GTF2IRD1: variants seen among roughly 807,000 people sequenced by gnomAD.
GTF2IRD1 encodes general transcription factor II-I repeat domain-containing protein 1.
Under a neutral mutation model 113.2 loss-of-function variants are expected in GTF2IRD1, and 26 were observed. The ratio of observed to expected loss-of-function variants is 0.23; its 90% CI spans 0.17 to 0.32. The LOEUF (loss-of-function observed/expected upper bound fraction) is 0.32, where lower values mean the gene tolerates loss of function less well. Among genes scored for constraint, GTF2IRD1 ranks in the 10% least tolerant of loss-of-function variants. The pLI is 1.00. For missense variants in GTF2IRD1, 864 were observed against 1,280.8 expected, an observed-to-expected ratio of 0.67 and a Z score of 4.97; for synonymous variants, 484 against 529.1, an observed-to-expected ratio of 0.91 and a Z score of 1.17.
chr7:74,598,895 G>A (rs189083029), intron 25 of GTF2IRD1, among the ~76,000 whole-genome samples: 3 of 152,212 alleles, frequency 2.0e-5, no homozygotes, highest in South Asian at 4.1e-4. Context: ...CTTCTCTTTC[G>A]CAGGGTCTCT....
chr7:74,486,233 C>T (rs1485674661), intron 1 of GTF2IRD1, among the ~76,000 whole-genome samples: 1 of 152,164 alleles, frequency 6.6e-6, no homozygotes, highest in Non-Finnish European at 1.5e-5. Flanking sequence ...GCCGTGGAGT[C>T]TATTTCTGTT....
At chr7:74,595,639 G>A (rs1191408498) in intron 25 of GTF2IRD1, among the ~76,000 whole-genome samples, 1 of 152,160 alleles carries the variant, frequency 6.6e-6, no homozygotes, top group Non-Finnish European at 1.5e-5. Flanking sequence ...TCCACGCTGG[G>A]GCCTCCCCAG....
intron 1 of GTF2IRD1, among the ~76,000 whole-genome samples, chr7:74,462,727 A>G (rs1793454764): frequency 6.6e-6 from 1 of 151,978 alleles, no homozygotes; most frequent in Non-Finnish European, 1.5e-5. Flanking sequence ...CACCCCCCAC[A>G]TCAAGAGCTG....
At position 74,540,092 on chromosome 7, in the gene GTF2IRD1, A is replaced by G; in HGVS notation, c.1618+124A>G. 4.6e-6 allele frequency: 3 copies of G among 653,194 alleles called. No homozygotes were observed. The Admixed American group carries it at 7.8e-5, about 17-fold the overall frequency. 40.5% of individuals were successfully genotyped at this position (653,194 alleles called of 1,614,324 possible). A position where few individuals can be genotyped will look rare whatever the true frequency, so the allele number is the denominator to read the frequency against. ...CAGCCGTCTGTAGTAGAGGAAACCC[A>G]ATATATGCCTGACCCTAATCCAAGG... On this transcript the variant is annotated intron_variant, in intron 14 of 26. Transcript: ENST00000424337.
chr7:74,558,208 G>A (rs1257079301), intron 20 of GTF2IRD1, among the ~76,000 whole-genome samples: 2 of 151,260 alleles, frequency 1.3e-5, no homozygotes, highest in Admixed American at 6.6e-5. Flanking sequence ...GAGCCTGCGA[G>A]GGGGAGGTTG....
chr7:74,584,159 T>TA, intron 22 of GTF2IRD1, among the ~76,000 whole-genome samples: 1 of 152,034 alleles, frequency 6.6e-6, no homozygotes, highest in East Asian at 1.9e-4. Context: ...CTTTGGTATT[T>TA]AAAGGGGAAA....
chr7:74,598,445 C>A (rs1301411689), intron 25 of GTF2IRD1, among the ~76,000 whole-genome samples: 2 of 150,502 alleles, frequency 1.3e-5, no homozygotes, highest in African/African-American at 4.9e-5. Context: ...CTTGTCTCTA[C>A]TAAAATCCAA....
chr7:74,495,963 A>G (rs1339293889), intron 1 of GTF2IRD1, among the ~76,000 whole-genome samples: 1 of 152,118 alleles, frequency 6.6e-6, no homozygotes, highest in Non-Finnish European at 1.5e-5. Flanking sequence ...TTCTCTGTGA[A>G]GGTTTTCACT....
chr7:74,534,076 G>C (rs949767055), intron 9 of GTF2IRD1, among the ~76,000 whole-genome samples: 1 of 152,012 alleles, frequency 6.6e-6, no homozygotes, highest in Non-Finnish European at 1.5e-5. Context: ...TGCCACGATC[G>C]GTTGGCAGCT....
intron 1 of GTF2IRD1, among the ~76,000 whole-genome samples, chr7:74,491,311 CTTTTTTTTT>C (rs1178298791): frequency 1.4e-4 from 13 of 95,708 alleles, no homozygotes; most frequent in Admixed American, 5.4e-4. Flanking sequence ...AAAAAAAATT[CTTTTTTTTT>C]TTTTTTTTTT....
At chr7:74,500,053 C>T (rs1266124790) in intron 1 of GTF2IRD1, among the ~76,000 whole-genome samples, 1 of 152,188 alleles carries the variant, frequency 6.6e-6, no homozygotes, top group Non-Finnish European at 1.5e-5. Flanking sequence ...CTGAGAGATC[C>T]CCAGATGAGG....
At chr7:74,505,300 G>A (rs562169117) in intron 1 of GTF2IRD1, among the ~76,000 whole-genome samples, 3 of 152,258 alleles carry the variant, frequency 2.0e-5, no homozygotes, top group East Asian at 1.9e-4. Flanking sequence ...ATCTTCCCCC[G>A]CTTCTCCTGC....
At chr7:74,535,005 T>C in intron 9 of GTF2IRD1, 108 bp from the exon 10 acceptor site, 1 of 871,888 alleles carries the variant, frequency 1.1e-6, no homozygotes, top group Non-Finnish European at 2.0e-6. Context: ...TAGCTGTGCA[T>C]GTGTCACTCA....
At position 74,545,788 on chromosome 7, in the gene GTF2IRD1, C is replaced by T; in HGVS notation, c.1711C>T (p.Leu571=). 6.2e-7 allele frequency: 1 copy of T among 1,613,270 alleles called. No homozygotes were observed. Among genetic ancestry groups the T allele is most frequent in the Non-Finnish European group, 8.5e-7 (1 of 1,179,552 alleles). The part of the protein sequence containing the change: ...VIRPLRKQVE[L]LFNTRYAKAI... ...CCGGCCCCTGCGGAAGCAGGTGGAG[C>T]TGCTCTTCAACACACGATACGGTGA... Residue 571 remains leucine (L), a synonymous_variant, in exon 16 of 27, where the codon CTG becomes TTG. Transcript: ENST00000424337.
chr7:74,498,310 T>C (rs1421999329), intron 1 of GTF2IRD1, among the ~76,000 whole-genome samples: 3 of 152,136 alleles, frequency 2.0e-5, no homozygotes, highest in Non-Finnish European at 2.9e-5. Flanking sequence ...GTCTTAGTTG[T>C]TGAGTTTTAG....
intron 22 of GTF2IRD1, among the ~76,000 whole-genome samples, chr7:74,588,681 C>T (rs1470096454): frequency 3.9e-5 from 6 of 151,954 alleles, no homozygotes; most frequent in Non-Finnish European, 5.9e-5. Context: ...CAGGTGCCCG[C>T]CACATGCCCA....
chr7:74,517,190 A>C (rs973918769), intron 4 of GTF2IRD1, among the ~76,000 whole-genome samples: 1 of 151,184 alleles, frequency 6.6e-6, no homozygotes, highest in African/African-American at 2.4e-5. Context: ...CACCTGGATA[A>C]TTTTTATATT....
At chr7:74,545,719 C>T (rs373082146) in intron 15 of GTF2IRD1, 25 bp from the exon 16 acceptor site, 1 of 1,604,260 alleles carries the variant, frequency 6.2e-7, no homozygotes, top group Non-Finnish European at 8.5e-7. Flanking sequence ...CAACCAGCCT[C>T]AACAGACTGC....
At chr7:74,492,449 T>C (rs1275673593) in intron 1 of GTF2IRD1, among the ~76,000 whole-genome samples, 5 of 152,046 alleles carry the variant, frequency 3.3e-5, no homozygotes, top group East Asian at 3.9e-4. Flanking sequence ...GGATTACTGG[T>C]GTGAGCCACC....
Sources: gnomAD v4.1 joint callset for allele counts (sites outside exome capture counted in the v4.1 genomes callset) on GRCh38, gnomAD v4.1.1 for gene constraint, MANE v1.5 for transcripts, NCBI Gene and HGNC (gene_info 2026-07-23, HGNC 2026-07-21) for gene names.